The following CREB5 variants were observed in gnomAD, a reference collection of about 807,000 sequenced individuals.
The protein encoded by CREB5 is cyclic AMP-responsive element-binding protein 5.
A neutral mutation model predicts 57.1 loss-of-function variants in CREB5; 19 were observed. That is an observed-to-expected ratio of 0.33 (90% CI 0.23 to 0.49). CREB5 has a LOEUF of 0.49. CREB5 is among the 20% of genes least tolerant of loss of function. CREB5 has a pLI of 0.99. For synonymous variants in CREB5, 238 were observed against 238.3 expected (o/e 1.00, Z 0.01); for missense variants, 579 against 671.6 (o/e 0.86, Z 1.52).
intron 1 of CREB5, among the ~76,000 whole-genome samples, chr7:28,343,920 C>G (rs1213090998): frequency 6.6e-6 from 1 of 152,072 alleles, no homozygotes; most frequent in African/African-American, 2.4e-5. Flanking sequence ...TGATATCTCA[C>G]TGTGGTTTTT....
In CREB5 at chr7:28,412,690, A is replaced by T. The variant is rs1456028473; in HGVS notation, c.-225A>T. ...GAGAACGAGGGAGGTACCAGAGTCTAGGAGGTACCTCTGGGTTGCAGAAGT... is the reference window on the plus strand; with the variant it reads ...GAGAACGAGGGAGGTACCAGAGTCTTGGAGGTACCTCTGGGTTGCAGAAGT... On this transcript the variant is annotated 5_prime_UTR_variant, in exon 1 of 11. It removes the in-frame stop codon of an upstream open reading frame in the 5' UTR. Transcript: ENST00000357727. 3 of 391,998 alleles carry T rather than the reference A, an allele frequency of 7.7e-6. No homozygotes were observed. Among genetic ancestry groups the T allele is most frequent in the Non-Finnish European group, 1.4e-5 (3 of 221,884 alleles). The allele number at this position is 391,998 out of a possible 1,614,324, so 24.3% of individuals were successfully genotyped here.
At chr7:28,465,441 C>A (rs558196811) in intron 1 of CREB5, among the ~76,000 whole-genome samples, 1 of 152,322 alleles carries the variant, frequency 6.6e-6, no homozygotes, top group East Asian at 1.9e-4. Flanking sequence ...GTATTTATAT[C>A]ATAAATGTAT....
intron 4 of CREB5, among the ~76,000 whole-genome samples, chr7:28,552,845 T>A (rs537642008): frequency 6.6e-6 from 1 of 152,340 alleles, no homozygotes; most frequent in South Asian, 2.1e-4. Flanking sequence ...GAGGTAGGCA[T>A]GATCCTGGAA....
At chr7:28,392,965 C>A (rs1396984229) in intron 1 of CREB5, among the ~76,000 whole-genome samples, 1 of 151,642 alleles carries the variant, frequency 6.6e-6, no homozygotes, top group East Asian at 1.9e-4. Flanking sequence ...GCTCTTGTTG[C>A]CTACACTGGA....
intron 1 of CREB5, among the ~76,000 whole-genome samples, chr7:28,403,936 G>A (rs895269992): frequency 6.6e-6 from 1 of 152,052 alleles, no homozygotes; most frequent in Non-Finnish European, 1.5e-5. Context: ...TAATTTTACT[G>A]TTCATCTTTA....
chr7:28,311,886 G>A (rs1357775348), intron 1 of CREB5, among the ~76,000 whole-genome samples: 1 of 152,316 alleles, frequency 6.6e-6, no homozygotes, highest in South Asian at 2.1e-4. Flanking sequence ...TCCCTCCCCA[G>A]TGTCGGTCTC....
chr7:28,773,544 G>GT (rs1487274136), intron 7 of CREB5, among the ~76,000 whole-genome samples: 13 of 152,172 alleles, frequency 8.5e-5, no homozygotes, highest in African/African-American at 2.9e-4. Flanking sequence ...TATGATGTCT[G>GT]TAAGAACTAC....
At chr7:28,483,824 G>A (rs217519) in intron 1 of CREB5, among the ~76,000 whole-genome samples, 45,141 of 152,064 alleles carry the variant, frequency 0.3, 7,622 homozygotes, top group Middle Eastern at 0.37. Context: ...AAGCACCTTT[G>A]ACTTTTTTCC....
chr7:28,543,162 G>A (rs955730522), intron 4 of CREB5, among the ~76,000 whole-genome samples: 13 of 152,108 alleles, frequency 8.5e-5, no homozygotes, highest in Non-Finnish European at 1.6e-4. Context: ...ACAAATGTCT[G>A]TTGGCCATTT....
chr7:28,554,959 T>A (rs537748468), intron 4 of CREB5, among the ~76,000 whole-genome samples: 2 of 152,332 alleles, frequency 1.3e-5, no homozygotes, highest in South Asian at 4.1e-4. Context: ...AATTGGATCA[T>A]GTCACAAAAA....
chr7:28,799,001 G>C (rs542409450), intron 7 of CREB5, among the ~76,000 whole-genome samples: 2 of 152,298 alleles, frequency 1.3e-5, no homozygotes, highest in South Asian at 4.1e-4. Flanking sequence ...GAGTGGAGTA[G>C]AAATTTCTAT....
At chr7:28,586,832 G>A (rs975031121) in intron 5 of CREB5, among the ~76,000 whole-genome samples, 7 of 152,246 alleles carry the variant, frequency 4.6e-5, no homozygotes, top group South Asian at 2.1e-4. Flanking sequence ...CGTGGCCTCA[G>A]GGCATGTTTG....
intron 7 of CREB5, among the ~76,000 whole-genome samples, chr7:28,734,136 G>T (rs570674065): frequency 3.4e-5 from 5 of 148,806 alleles, no homozygotes; most frequent in African/African-American, 1.3e-4. Context: ...AGGTGTGGTG[G>T]CCTTACATGA....
At chr7:28,447,663 G>T (rs182946460) in intron 1 of CREB5, among the ~76,000 whole-genome samples, 19 of 152,172 alleles carry the variant, frequency 1.2e-4, no homozygotes, top group Admixed American at 9.2e-4. Context: ...TGTGGGAAGT[G>T]GTGAGGTGGT....
chr7:28,337,275 A>G (rs1022678553), intron 1 of CREB5, among the ~76,000 whole-genome samples: 1 of 152,062 alleles, frequency 6.6e-6, no homozygotes, highest in Non-Finnish European at 1.5e-5. Context: ...TGATCTATCT[A>G]ATGTTGAAAG....
chr7:28,464,936 A>G (rs1236080972), intron 1 of CREB5, among the ~76,000 whole-genome samples: 4 of 152,228 alleles, frequency 2.6e-5, no homozygotes, highest in Non-Finnish European at 5.9e-5. Flanking sequence ...AAAGAGAGGC[A>G]CATATGATTA....
intron 7 of CREB5, among the ~76,000 whole-genome samples, chr7:28,751,847 T>G (rs1478308300): frequency 6.6e-6 from 1 of 152,218 alleles, no homozygotes; most frequent in Non-Finnish European, 1.5e-5. Flanking sequence ...TGCATTTGTT[T>G]TTATGTCTCC....
chr7:28,778,331 TAGA>T (rs1284706409), intron 7 of CREB5, among the ~76,000 whole-genome samples: 2 of 152,330 alleles, frequency 1.3e-5, no homozygotes, highest in African/African-American at 2.4e-5. Flanking sequence ...CCCTTGTGCA[TAGA>T]AGAAGACCAG....
intron 5 of CREB5, among the ~76,000 whole-genome samples, chr7:28,708,354 A>G (rs141811956): frequency 9.2e-5 from 14 of 152,214 alleles, no homozygotes; most frequent in African/African-American, 3.1e-4. Flanking sequence ...TCCCCTGCCA[A>G]TGTATCGTGG....
Sources: gnomAD v4.1 joint callset for allele counts (sites outside exome capture counted in the v4.1 genomes callset) on GRCh38, gnomAD v4.1.1 for gene constraint, MANE v1.5 for transcripts, NCBI Gene and HGNC (gene_info 2026-07-23, HGNC 2026-07-21) for gene names.